Variants in PTPRZ1 observed in about 807,000 individuals in gnomAD.
The protein encoded by PTPRZ1 is protein tyrosine phosphatase receptor type Z1, also known as receptor-type tyrosine-protein phosphatase zeta.
In PTPRZ1, 82 loss-of-function variants were observed where a neutral mutation model predicts 214.1. The ratio of observed to expected loss-of-function variants is 0.38; its 90% confidence interval spans 0.32 to 0.46. The LOEUF (loss-of-function observed/expected upper bound fraction) is 0.46, where lower values mean the gene tolerates loss of function less well. Ranked by LOEUF, PTPRZ1 falls within the 20% of genes least tolerant of loss-of-function variation. The probability of loss-of-function intolerance (pLI) is 1.00; values close to 1 mark genes in which losing one functional copy is unlikely to be tolerated. For missense variants in PTPRZ1, 2,603 were observed against 2,748.7 expected (o/e 0.95, Z 1.19); for synonymous variants, 945 against 987.9 (o/e 0.96, Z 0.81).
intron 5 of PTPRZ1, 151 bp from the exon 6 acceptor site, chr7:121,976,634 T>G (rs951708772): frequency 5.1e-6 from 3 of 592,600 alleles, no homozygotes; most frequent in Non-Finnish European, 8.3e-6. Context: ...TTTGCTTTAT[T>G]TGTTTTCACC....
At chr7:121,949,502 G>A (rs986622907) in intron 2 of PTPRZ1, among the ~76,000 whole-genome samples, 5 of 152,150 alleles carry the variant, frequency 3.3e-5, no homozygotes, top group African/African-American at 1.2e-4. Flanking sequence ...AAAATACTGT[G>A]CCCAACTCTA....
intron 1 of PTPRZ1, among the ~76,000 whole-genome samples, chr7:121,880,152 T>G (rs1794192731): frequency 6.6e-6 from 1 of 152,206 alleles, no homozygotes; most frequent in Non-Finnish European, 1.5e-5. Context: ...TGTCTTTGTT[T>G]TCCCCTTCTG....
At chr7:121,950,036 G>A (rs908778370) in intron 2 of PTPRZ1, among the ~76,000 whole-genome samples, 2 of 152,122 alleles carry the variant, frequency 1.3e-5, no homozygotes, top group African/African-American at 2.4e-5. Flanking sequence ...ATTTACAAAC[G>A]AAAGAGGTTT....
intron 1 of PTPRZ1, among the ~76,000 whole-genome samples, chr7:121,895,125 T>C (rs945779423): frequency 1.3e-5 from 2 of 152,212 alleles, no homozygotes; most frequent in African/African-American, 2.4e-5. Flanking sequence ...TTTAAAAGGG[T>C]ATATTATTTC....
At position 122,038,808 on chromosome 7, in the gene PTPRZ1, A is replaced by G; in HGVS notation, c.5421A>G (p.Thr1807=). The change falls in exon 19 of 30, where the codon ACA becomes ACG. Residue 1807 remains threonine, a synonymous_variant. Transcript: ENST00000393386. ...CTGCCCAAGGCCCACTGAAATCCAC[A>G]GCTGAAGATTTCTGGAGAATGATAT... ...YIAAQGPLKS[T]AEDFWRMIWE... 1 of 1,613,824 alleles carries G rather than the reference A, an allele frequency of 6.2e-7. No individual in the cohort carries two copies. The highest frequency in any genetic ancestry group is 8.5e-7 in the Non-Finnish European group (1 of 1,179,764).
chr7:122,054,982 T>C lies in PTPRZ1; in HGVS notation c.6423T>C (p.Pro2141=). The change falls in exon 27 of 30, where the codon CCT becomes CCC. Residue 2141 remains proline (P), a synonymous_variant. Coordinates refer to ENST00000393386, the MANE Select transcript of PTPRZ1 (RefSeq NM_002851.3). ...TTTACTGGCCAAATAAAGATGAGCCTATAAATTGTGAGAGCTTTAAGGTCA... is the reference window on the plus strand; with the variant it reads ...TTTACTGGCCAAATAAAGATGAGCCCATAAATTGTGAGAGCTTTAAGGTCA... ...EFVYWPNKDE[P]INCESFKVTL... The C allele has an allele frequency of 1.2e-6, 2 of 1,608,264 alleles. No individual in the cohort carries two copies. The highest frequency in any genetic ancestry group is 1.7e-6 in the Non-Finnish European group (2 of 1,177,114).
intron 8 of PTPRZ1, among the ~76,000 whole-genome samples, chr7:121,993,912 T>G (rs1028122946): frequency 3.9e-5 from 6 of 152,208 alleles, no homozygotes; most frequent in African/African-American, 1.4e-4. Context: ...TGAAGCTTGA[T>G]AGCATACAAC....
At chr7:121,887,851 C>T (rs945400059) in intron 1 of PTPRZ1, among the ~76,000 whole-genome samples, 11 of 152,156 alleles carry the variant, frequency 7.2e-5, no homozygotes, top group South Asian at 2.1e-4. Flanking sequence ...GGATCCCTCT[C>T]GCTAACACCT....
At chr7:121,896,728 G>A (rs752530077) in intron 1 of PTPRZ1, among the ~76,000 whole-genome samples, 7 of 151,568 alleles carry the variant, frequency 4.6e-5, no homozygotes, top group Non-Finnish European at 7.4e-5. Flanking sequence ...AGCCAAGATC[G>A]CGCCACTGCA....
At chr7:121,995,821 T>A (rs1260788109) in intron 8 of PTPRZ1, among the ~76,000 whole-genome samples, 1 of 152,196 alleles carries the variant, frequency 6.6e-6, no homozygotes, top group African/African-American at 2.4e-5. Flanking sequence ...CTTTCATAAT[T>A]GAAATTATCC....
At chr7:122,043,412 TA>T (rs963068252) in intron 22 of PTPRZ1, among the ~76,000 whole-genome samples, 1 of 152,278 alleles carries the variant, frequency 6.6e-6, no homozygotes, top group South Asian at 2.1e-4. Flanking sequence ...ATTCATTTTT[TA>T]AAAAAATATG....
chr7:121,885,238 C>T (rs1794364060), intron 1 of PTPRZ1, among the ~76,000 whole-genome samples: 1 of 152,186 alleles, frequency 6.6e-6, no homozygotes. Flanking sequence ...ATAATTTCCA[C>T]AGTTAAGTCT....
chr7:122,004,328 G>A (rs1332230712), intron 10 of PTPRZ1, among the ~76,000 whole-genome samples: 1 of 152,006 alleles, frequency 6.6e-6, no homozygotes, highest in African/African-American at 2.4e-5. Context: ...TCCGTTCTTA[G>A]CTTCAATCAG....
intron 1 of PTPRZ1, among the ~76,000 whole-genome samples, chr7:121,875,747 A>G (rs1297057527): frequency 6.6e-6 from 1 of 152,238 alleles, no homozygotes; most frequent in Non-Finnish European, 1.5e-5. Context: ...ATCAAGTAAC[A>G]TAAATATCTT....
At chr7:122,023,531 A>G (rs1441578161) in intron 13 of PTPRZ1, among the ~76,000 whole-genome samples, 15 of 134,648 alleles carry the variant, frequency 1.1e-4, no homozygotes, top group African/African-American at 2.8e-4. Flanking sequence ...AATTATATAT[A>G]TATAATTTTA....
chr7:121,935,983 G>A (rs35919075), intron 2 of PTPRZ1, among the ~76,000 whole-genome samples: 9,401 of 152,250 alleles, frequency 0.062, 351 homozygotes, highest in Non-Finnish European at 0.09. Context: ...AGTCTAGGCT[G>A]CAGTTTGCAT....
chr7:122,049,896 A>G (rs1792114778), intron 23 of PTPRZ1, among the ~76,000 whole-genome samples: 1 of 152,168 alleles, frequency 6.6e-6, no homozygotes, highest in African/African-American at 2.4e-5. Flanking sequence ...GATGTGATAT[A>G]ATAGTATTGG....
intron 2 of PTPRZ1, among the ~76,000 whole-genome samples, chr7:121,936,156 CT>C (rs1410061515): frequency 6.6e-6 from 1 of 152,166 alleles, no homozygotes; most frequent in Non-Finnish European, 1.5e-5. Context: ...GTAATTCTGA[CT>C]CTTTAAACCA....
At chr7:121,965,335 C>T (rs1206196956) in intron 2 of PTPRZ1, among the ~76,000 whole-genome samples, 2 of 149,532 alleles carry the variant, frequency 1.3e-5, no homozygotes. Flanking sequence ...GACTAAAGTC[C>T]CTGATTTTTG....
Sources: gnomAD v4.1 joint callset for allele counts (sites outside exome capture counted in the v4.1 genomes callset) on GRCh38, gnomAD v4.1.1 for gene constraint, MANE v1.5 for transcripts, NCBI Gene and HGNC (gene_info 2026-07-23, HGNC 2026-07-21) for gene names.